The following SCARB1 variants were observed in gnomAD, a reference collection of about 807,000 sequenced individuals.
SCARB1 encodes the protein scavenger receptor class B member 1, also known as CD36 and LIMPII analogous 1.
A neutral mutation model predicts 57.2 loss-of-function variants in SCARB1; 30 were observed. That is an observed-to-expected ratio of 0.52 (90% CI 0.39 to 0.71). SCARB1 has a LOEUF of 0.71. Ranked by LOEUF, SCARB1 falls within the 30% of genes least tolerant of loss-of-function variation. SCARB1 has a pLI of 0.00. For missense variants in SCARB1, 543 were observed against 671.2 expected, an observed-to-expected ratio of 0.81 and a Z score of 2.11; for synonymous variants, 249 against 268.3, an observed-to-expected ratio of 0.93 and a Z score of 0.70.
intron 1 of SCARB1, among the ~76,000 whole-genome samples, chr12:124,826,627 T>C (rs1165389564): frequency 1.3e-5 from 2 of 150,996 alleles, no homozygotes; most frequent in African/African-American, 4.8e-5. Flanking sequence ...TATTTTTTTA[T>C]TTTTTTGCTT....
chr12:124,807,345 A>G lies in SCARB1; in HGVS notation c.1009+416T>C, dbSNP rs1038814505. ...TATGAGGACAGAGTGGATCAGAAGG[A>G]TGCCATGTTGCTGGCCTCAAAGGTG... On this transcript the variant is annotated intron_variant, in intron 7 of 12. Coordinates refer to ENST00000261693, the MANE Select transcript of SCARB1 (RefSeq NM_005505.5). This position sits in a 1 kb window ranked among gnomAD's most constrained non-coding sequence, Gnocchi z 5.3. 6.6e-6 allele frequency among the ~76,000 whole-genome samples: 1 copy of G among 152,158 alleles called. No individual in the cohort carries two copies. Among genetic ancestry groups the G allele is most frequent in the Admixed American group, 6.5e-5 (1 of 15,270 alleles).
chr12:124,791,327 G>A (rs1949721476), intron 9 of SCARB1, among the ~76,000 whole-genome samples: 2 of 152,132 alleles, frequency 1.3e-5, no homozygotes, highest in African/African-American at 2.4e-5. Flanking sequence ...TCGAGCCTGC[G>A]GTGGCCTTGG....
rs981821623 is a variant in SCARB1, at chr12:124,822,630, A to T, written c.127-4923T>A. On this transcript the variant is annotated intron_variant, in intron 1 of 12. Coordinates refer to ENST00000261693, the MANE Select transcript of SCARB1 (RefSeq NM_005505.5). This position sits in a 1 kb window ranked among gnomAD's most constrained non-coding sequence, Gnocchi z 5.0. Reference sequence around the variant, plus strand: ...CCAGGCATGGTGGCTCACGCCTGTAATCCAAGGACTTTGGGAGGCCAAGCC... The same window carrying T: ...CCAGGCATGGTGGCTCACGCCTGTATTCCAAGGACTTTGGGAGGCCAAGCC... 6.6e-6 allele frequency among the ~76,000 whole-genome samples: 1 copy of T among 152,188 alleles called. No individual in the cohort carries two copies.
Position 124,782,959 on chromosome 12 carries a change from G to A in SCARB1, c.1402-148C>T, listed in dbSNP as rs921222179. ...CAACCCTCAACGATTGCAGGTGGCT[G>A]AGATGTGGGGAGCTGCCGCTCTTAG... On this transcript the variant is annotated intron_variant, in intron 11 of 12. Coordinates refer to ENST00000261693, the MANE Select transcript of SCARB1 (RefSeq NM_005505.5). 4.0e-6 allele frequency: 3 copies of A among 743,012 alleles called. No homozygotes were observed. In the African/African-American group the frequency reaches 5.2e-5, roughly 13 times the overall value. 46.0% of individuals were successfully genotyped at this position (743,012 alleles called of 1,614,324 possible).
intron 1 of SCARB1, among the ~76,000 whole-genome samples, chr12:124,850,591 A>C (rs1021027038): frequency 2.0e-5 from 3 of 152,132 alleles, no homozygotes; most frequent in Non-Finnish European, 2.9e-5. Flanking sequence ...AATCGCTTGA[A>C]CCTGGGAGGC....
intron 1 of SCARB1, among the ~76,000 whole-genome samples, chr12:124,818,645 T>A (rs1168594673): frequency 6.6e-6 from 1 of 151,920 alleles, no homozygotes; most frequent in African/African-American, 2.4e-5. Flanking sequence ...TTTGTATTTT[T>A]ATTTTATTTT....
rs376550285 is a variant in SCARB1, at chr12:124,810,026, G to A, written c.842+148C>T. Reference sequence around the variant, plus strand: ...CAGCTGGAGTTTGGCTTTTGGTGGTGTGACCAAAGAGAATTCAAGCTGGTG... The same window carrying A: ...CAGCTGGAGTTTGGCTTTTGGTGGTATGACCAAAGAGAATTCAAGCTGGTG... On this transcript the variant is annotated intron_variant, in intron 6 of 12. Transcript: ENST00000261693. This position sits in a 1 kb window ranked among gnomAD's most constrained non-coding sequence, Gnocchi z 4.0. 6.0e-4 allele frequency: 405 copies of A among 674,090 alleles called. 2 individuals are homozygous for A. In the South Asian group the frequency reaches 6.0e-3, roughly 10 times the overall value. The allele number at this position is 674,090 out of a possible 1,614,324, so 41.8% of individuals were successfully genotyped here. A position where few individuals can be genotyped will look rare whatever the true frequency, so the allele number is the denominator to read the frequency against.
chr12:124,786,453 C>T lies in SCARB1; in HGVS notation c.1305G>A (p.Val435=), dbSNP rs567985757. Residue 435 remains valine, a synonymous_variant, in exon 11 of 13, where the codon GTG becomes GTA. Coordinates refer to ENST00000261693, the MANE Select transcript of SCARB1 (RefSeq NM_005505.5). The part of the protein sequence containing the change: ...ETLHTFYTQL[V]LMPKVMHYAQ... ...CATAGTGCATCACCTTGGGCATCAA[C>T]ACCAGCTGAGTGTAGAATGTGTGAA... 9.9e-6 allele frequency: 16 copies of T among 1,614,198 alleles called. No individual in the cohort carries two copies. In the South Asian group the frequency reaches 1.8e-4, roughly 18 times the overall value.
chr12:124,863,463 G>T (rs1019175074), intron 1 of SCARB1, 132 bp downstream of exon 1: 1 of 907,454 alleles, frequency 1.1e-6, no homozygotes, highest in Non-Finnish European at 1.6e-6. Flanking sequence ...CCTCCCTCGT[G>T]CTCTGCGGCG....
rs539821380 is a variant in SCARB1, at chr12:124,807,952, G to C, written c.843-25C>G. ...TCTGCAGGGGACAGACAGGATGAGAGGGGACACCCAGACCCGGCGGCCAGA... is the reference window on the plus strand; with the variant it reads ...TCTGCAGGGGACAGACAGGATGAGACGGGACACCCAGACCCGGCGGCCAGA... On this transcript the variant is annotated intron_variant, in intron 6 of 12. Coordinates refer to ENST00000261693, the MANE Select transcript of SCARB1 (RefSeq NM_005505.5). The surrounding 1 kb of genome is among the most constrained non-coding windows in gnomAD (Gnocchi z 5.3). 1 of 1,613,266 alleles carries C rather than the reference G, an allele frequency of 6.2e-7. No homozygotes were observed.
chr12:124,780,886 C>T (rs187613913), intron 12 of SCARB1, among the ~76,000 whole-genome samples: 88 of 152,292 alleles, frequency 5.8e-4, no homozygotes, highest in Admixed American at 1.6e-3. Context: ...ACCCCTGCAC[C>T]CTGGGAATCC....
chr12:124,859,293 C>T (rs1325347123), intron 1 of SCARB1, among the ~76,000 whole-genome samples: 4 of 152,090 alleles, frequency 2.6e-5, no homozygotes, highest in Admixed American at 6.6e-5. Context: ...TTTGGGAGGC[C>T]GAGAGGGGAA....
chr12:124,853,831 G>A (rs1952525102), intron 1 of SCARB1, among the ~76,000 whole-genome samples: 2 of 152,194 alleles, frequency 1.3e-5, no homozygotes, highest in African/African-American at 4.8e-5. Flanking sequence ...CTCGGTCTGG[G>A]GCGACGGCCA....
intron 1 of SCARB1, among the ~76,000 whole-genome samples, chr12:124,843,194 G>C (rs1321142421): frequency 3.3e-5 from 5 of 151,912 alleles, no homozygotes; most frequent in African/African-American, 1.2e-4. Context: ...TTCTGGGTAA[G>C]AGCTGGGCAC....
intron 1 of SCARB1, among the ~76,000 whole-genome samples, chr12:124,852,163 GC>G: frequency 6.6e-6 from 1 of 152,230 alleles, no homozygotes; most frequent in African/African-American, 2.4e-5. Context: ...TCCACAGACA[GC>G]CCCGATGACA....
At chr12:124,803,880 C>T (rs1020452308) in intron 7 of SCARB1, among the ~76,000 whole-genome samples, 12 of 151,930 alleles carry the variant, frequency 7.9e-5, no homozygotes, top group Admixed American at 4.6e-4. Flanking sequence ...GAAACCCTGT[C>T]TCAAAAATAT....
At chr12:124,797,175 C>T (rs1025209720) in intron 8 of SCARB1, among the ~76,000 whole-genome samples, 2 of 152,020 alleles carry the variant, frequency 1.3e-5, no homozygotes, top group African/African-American at 2.4e-5. Context: ...CCTGTAGGAA[C>T]CCCCTGGAAG....
chr12:124,814,873 G>A lies in SCARB1; in HGVS notation c.426+100C>T, dbSNP rs1003945120. ...CACCAGGCGTGAGTCCCCACGCTCCGACCACCTCAGGGACTGCTCTCTGCA... is the reference window on the plus strand; with the variant it reads ...CACCAGGCGTGAGTCCCCACGCTCCAACCACCTCAGGGACTGCTCTCTGCA... On this transcript the variant is annotated intron_variant, in intron 3 of 12. Coordinates refer to ENST00000261693, the MANE Select transcript of SCARB1 (RefSeq NM_005505.5). The surrounding 1 kb of genome is among the most constrained non-coding windows in gnomAD (Gnocchi z 4.7). The A allele has an allele frequency of 6.0e-6, 9 of 1,507,938 alleles. 1 individual carries two copies. The highest frequency in any genetic ancestry group is 3.5e-4 in the Middle Eastern group (2 of 5,740). 93.4% of individuals were successfully genotyped at this position (1,507,938 alleles called of 1,614,324 possible). A position where few individuals can be genotyped will look rare whatever the true frequency, so the allele number is the denominator to read the frequency against.
chr12:124,786,369 T>G lies in SCARB1; in HGVS notation c.1389A>C (p.Gln463His), dbSNP rs776948824. Residue 463 changes from glutamine to histidine, a missense_variant, in exon 11 of 13, where the codon CAA (glutamine) becomes CAC (histidine). Physicochemically the swap from Gln to His is conservative, Grantham distance 24. Coordinates refer to ENST00000261693, the MANE Select transcript of SCARB1 (RefSeq NM_005505.5). Reference sequence around the variant, plus strand: ...GGCCAGCACCTACTTGGCTCCGGATTTGGCAGATGACAGGGACCAGCAGCA... The same window carrying G: ...GGCCAGCACCTACTTGGCTCCGGATGTGGCAGATGACAGGGACCAGCAGCA... Reference protein sequence around the residue: ...CVLLLVPVICQIRSQEKCYLF... With the variant: ...CVLLLVPVICHIRSQEKCYLF... The G allele has an allele frequency of 4.3e-6, 7 of 1,613,842 alleles. No individual in the cohort carries two copies. Among genetic ancestry groups the G allele is most frequent in the African/African-American group, 1.3e-5 (1 of 74,906 alleles).
Sources: allele counts gnomAD v4.1 joint callset (sites outside exome capture counted in the v4.1 genomes callset), GRCh38; gene constraint gnomAD v4.1.1; non-coding constraint Gnocchi (gnomAD v3.1); transcripts MANE v1.5; gene names NCBI Gene and HGNC (gene_info 2026-07-23, HGNC 2026-07-21).